The following PKP1 variants were observed in gnomAD, a reference collection of about 807,000 sequenced individuals.
PKP1 encodes plakophilin 1.
A neutral mutation model predicts 76.4 loss-of-function variants in PKP1; 27 were observed. That is an observed-to-expected ratio of 0.35 (90% CI 0.26 to 0.49). PKP1 has a LOEUF of 0.49. PKP1 is among the 20% of genes least tolerant of loss of function. The pLI, the probability that PKP1 is intolerant of heterozygous loss-of-function variation, is 0.99. For missense variants in PKP1, 964 were observed against 955.2 expected (o/e 1.01, Z -0.12); for synonymous variants, 404 against 384.2 (o/e 1.05, Z -0.60).
At chr1:201,304,256 C>T (rs1207041891) in intron 2 of PKP1, among the ~76,000 whole-genome samples, 1 of 152,238 alleles carries the variant, frequency 6.6e-6, no homozygotes, top group Non-Finnish European at 1.5e-5. Flanking sequence ...CAAGACTGAA[C>T]TAATTCCAGA....
intron 1 of PKP1, among the ~76,000 whole-genome samples, chr1:201,291,324 A>G (rs1571539516): frequency 6.6e-6 from 1 of 152,184 alleles, no homozygotes; most frequent in Non-Finnish European, 1.5e-5. Flanking sequence ...TGACAGTCAC[A>G]CCTGCCTTTA....
intron 9 of PKP1, 78 bp downstream of exon 9, chr1:201,323,267 C>A (rs1231859977): frequency 1.4e-6 from 2 of 1,404,726 alleles, no homozygotes; most frequent in Non-Finnish European, 2.0e-6. Flanking sequence ...CTCCTTTTCC[C>A]CCCAGCCTGT....
At chr1:201,289,153 G>A (rs1027862361) in intron 1 of PKP1, among the ~76,000 whole-genome samples, 1 of 152,158 alleles carries the variant, frequency 6.6e-6, no homozygotes, top group Admixed American at 6.5e-5. Context: ...GAACCATCCC[G>A]CAGACACAGT....
chr1:201,318,528 A>C (rs754199182), intron 5 of PKP1, 90 bp from the exon 6 acceptor site: 9 of 1,147,626 alleles, frequency 7.8e-6, no homozygotes, highest in Non-Finnish European at 1.1e-5. Flanking sequence ...AGTAGGGCCC[A>C]TTTGCCAGAG....
At chr1:201,307,216 C>A (rs1656396773) in intron 2 of PKP1, among the ~76,000 whole-genome samples, 1 of 152,150 alleles carries the variant, frequency 6.6e-6, no homozygotes, top group African/African-American at 2.4e-5. Flanking sequence ...ACCCACCACA[C>A]TTCCTCCAAG....
At chr1:201,323,293 C>A (rs1571562881) in intron 9 of PKP1, 104 bp downstream of exon 9, 2 of 1,107,166 alleles carry the variant, frequency 1.8e-6, no homozygotes, top group Non-Finnish European at 1.4e-6. Context: ...GACTTCGGAG[C>A]CTCCCATGAG....
rs192675407 is a variant in PKP1, at chr1:201,327,660, T to C, written c.2107-1102T>C. ...GAGAATCCACTGACATCGCTCTCGG[T>C]GGGAATTCCCTTCTACACATGCCTT... is the stretch of plus-strand genomic sequence containing the variant. On this transcript the variant is annotated intron_variant, in intron 12 of 13. Coordinates refer to ENST00000367324, the MANE Select transcript of PKP1 (RefSeq NM_001005337.3). Among the ~76,000 whole-genome samples, 38 of 152,032 alleles carry C rather than the reference T, an allele frequency of 2.5e-4. No homozygotes were observed. In the East Asian group the frequency reaches 6.6e-3, roughly 26 times the overall value.
intron 1 of PKP1, among the ~76,000 whole-genome samples, chr1:201,289,640 G>A (rs1212313015): frequency 6.6e-6 from 1 of 151,976 alleles, no homozygotes; most frequent in Non-Finnish European, 1.5e-5. Flanking sequence ...GCTTCAGGGA[G>A]CTCCCAGCTT....
chr1:201,327,768 G>T (rs891567449), intron 12 of PKP1, among the ~76,000 whole-genome samples: 1 of 151,928 alleles, frequency 6.6e-6, no homozygotes, highest in South Asian at 2.1e-4. Flanking sequence ...TAGTTGGTGC[G>T]TCTGTTCCCA....
Position 201,283,805 on chromosome 1 carries a change from A to T in PKP1, c.103A>T (p.Thr35Ser). Residue 35 changes from threonine to serine, a missense_variant, in exon 1 of 14, where the codon ACG becomes TCG. Thr to Ser is a moderately conservative substitution (Grantham distance 58). Coordinates refer to ENST00000367324, the MANE Select transcript of PKP1 (RefSeq NM_001005337.3). ...LPSDQKMKTG[T>S]SGRQRVQEQV... is the part of the protein sequence containing the mutation. ...GTCGGACCAAAAGATGAAAACAGGCACGTCTGGCAGGCAGCGCGTGCAGGA... is the reference window on the plus strand; with the variant it reads ...GTCGGACCAAAAGATGAAAACAGGCTCGTCTGGCAGGCAGCGCGTGCAGGA... 1 of 1,614,122 alleles carries T rather than the reference A, an allele frequency of 6.2e-7. No homozygotes were observed. Among genetic ancestry groups the T allele is most frequent in the Non-Finnish European group, 8.5e-7 (1 of 1,179,990 alleles).
Position 201,283,673 on chromosome 1 carries a change from C to A in PKP1, c.-30C>A, listed in dbSNP as rs1385542785. The A allele has an allele frequency of 6.2e-7, 1 of 1,603,144 alleles. No individual in the cohort carries two copies. ...CCTCGCCTCTCTGCTCTCCTAGGCC[C>A]CGGCCGCGCGCCACCCGCCTCCCGC... On this transcript the variant is annotated 5_prime_UTR_variant, in exon 1 of 14. Transcript: ENST00000367324.
intron 1 of PKP1, 133 bp downstream of exon 1, chr1:201,284,037 C>T (rs773427991): frequency 2.5e-5 from 21 of 843,400 alleles, no homozygotes; most frequent in Non-Finnish European, 3.9e-5. Context: ...GCAGGGTCTA[C>T]GCACCTAGTG....
chr1:201,314,976 C>CA (rs1289539348), intron 3 of PKP1, among the ~76,000 whole-genome samples: 2 of 152,368 alleles, frequency 1.3e-5, no homozygotes, highest in East Asian at 3.9e-4. Context: ...CAAGGCCACA[C>CA]AGCTGGCTCT....
chr1:201,313,327 G>T lies in PKP1; in HGVS notation c.468G>T (p.Glu156Asp), dbSNP rs1269466408. ...AGAAAATCAAGGCGAGCCGCAGTGA[G>T]CCCGACCTCTACTGTGACCCACGGG... Reference protein sequence around the residue: ...FMQKIKASRSEPDLYCDPRGT... With the variant: ...FMQKIKASRSDPDLYCDPRGT... The change falls in exon 3 of 14, where the codon GAG becomes GAT. Residue 156 changes from glutamate (E) to aspartate (D), a missense_variant. Glu to Asp is a conservative substitution (Grantham distance 45). Coordinates refer to ENST00000367324, the MANE Select transcript of PKP1 (RefSeq NM_001005337.3). 1.3e-6 allele frequency: 2 copies of T among 1,592,704 alleles called. No individual in the cohort carries two copies. The highest frequency in any genetic ancestry group is 1.3e-5 in the African/African-American group (1 of 74,632).
rs1464210981 is a variant in PKP1 at position 201,313,275 on chromosome 1, G to A, written c.416G>A (p.Gly139Asp). The stretch of plus-strand genomic sequence containing the variant: ...CCCCGGGGCAGCTGTAACACCACCG[G>A]CGCAGGCAGCGACATCTGCTTCATG... ...HYPRGSCNTT[G>D]AGSDICFMQK... The change falls in exon 3 of 14, where the codon GGC becomes GAC. Residue 139 changes from glycine (G) to aspartate (D), a missense_variant. Coordinates refer to ENST00000367324, the MANE Select transcript of PKP1 (RefSeq NM_001005337.3). 2 of 1,603,630 alleles carry A rather than the reference G, an allele frequency of 1.2e-6. No individual in the cohort carries two copies. The highest frequency in any genetic ancestry group is 1.7e-6 in the Non-Finnish European group (2 of 1,175,704).
At chr1:201,328,045 G>T (rs1168203727) in intron 12 of PKP1, among the ~76,000 whole-genome samples, 1 of 152,190 alleles carries the variant, frequency 6.6e-6, no homozygotes, top group Non-Finnish European at 1.5e-5. Context: ...CTCCCCTCCT[G>T]TTCCCACAGG....
At chr1:201,316,728 G>C (rs1478914024) in intron 4 of PKP1, 31 bp downstream of exon 4, 1 of 1,611,986 alleles carries the variant, frequency 6.2e-7, no homozygotes, top group African/African-American at 1.3e-5. Flanking sequence ...CTCCTTGGTG[G>C]GCCTGCGGAG....
rs1657357863 is a variant in PKP1 at position 201,332,497 on chromosome 1, T to C, written c.*2456T>C. 1 of 152,308 alleles carries C rather than the reference T, an allele frequency of 6.6e-6. No individual in the cohort carries two copies. The highest frequency in any genetic ancestry group is 2.4e-5 in the African/African-American group (1 of 41,470). The allele number at this position is 152,308 out of a possible 1,614,324, so 9.4% of individuals were successfully genotyped here. On this transcript the variant is annotated 3_prime_UTR_variant, in exon 14 of 14. Transcript: ENST00000367324. ...AACAAGGAGCTTGCCAGGCTTCATG[T>C]AGCCGACACACGTCTCAGGATTTTA...
chr1:201,310,717 G>A (rs1656522994), intron 2 of PKP1, among the ~76,000 whole-genome samples: 1 of 152,204 alleles, frequency 6.6e-6, no homozygotes, highest in Admixed American at 6.5e-5. Flanking sequence ...CTGTCCTCAG[G>A]CAGCACAGCC....
Sources: allele counts gnomAD v4.1 joint callset (sites outside exome capture counted in the v4.1 genomes callset), GRCh38; gene constraint gnomAD v4.1.1; transcripts MANE v1.5; gene names NCBI Gene and HGNC (gene_info 2026-07-23, HGNC 2026-07-21).